NBEA: variants seen among roughly 807,000 people sequenced by gnomAD.
NBEA encodes the protein neurobeachin, also known as lysosomal-trafficking regulator 2.
Under a neutral mutation model 343.4 loss-of-function variants are expected in NBEA, and 44 were observed. The observed-to-expected ratio is 0.13, with a 90% confidence interval of 0.10 to 0.16. NBEA has a LOEUF of 0.16. Ranked by LOEUF, NBEA falls within the 10% of genes least tolerant of loss-of-function variation. The pLI is 1.00. For missense variants in NBEA, 2,555 were observed against 3,631.3 expected (o/e 0.70, Z 7.62); for synonymous variants, 1,175 against 1,238.7 (o/e 0.95, Z 1.08).
chr13:35,058,647 G>T (rs1291062782), intron 7 of NBEA, 70 bp from the exon 8 acceptor site: 1 of 1,186,782 alleles, frequency 8.4e-7, no homozygotes, highest in Non-Finnish European at 1.2e-6. Flanking sequence ...GATAATGAAG[G>T]CCGATTTAAG....
At chr13:35,213,176 G>T (rs2073880545) in intron 33 of NBEA, among the ~76,000 whole-genome samples, 1 of 151,950 alleles carries the variant, frequency 6.6e-6, no homozygotes. Context: ...AATGAGGTAG[G>T]AGTAATAGGT....
intron 1 of NBEA, among the ~76,000 whole-genome samples, chr13:35,022,467 G>A (rs2061877688): frequency 6.6e-6 from 1 of 152,000 alleles, no homozygotes; most frequent in South Asian, 2.1e-4. Flanking sequence ...AAGCAAATAA[G>A]TAATTTTCTA....
At chr13:35,516,773 T>C (rs561224366) in intron 41 of NBEA, among the ~76,000 whole-genome samples, 1 of 152,336 alleles carries the variant, frequency 6.6e-6, no homozygotes, top group Non-Finnish European at 1.5e-5. Flanking sequence ...ATTTCCCAAG[T>C]ACTTAATATG....
At chr13:35,464,242 AGTCTGACATTCAAGTATAT>A (rs1239178853) in intron 40 of NBEA, among the ~76,000 whole-genome samples, 1 of 152,214 alleles carries the variant, frequency 6.6e-6, no homozygotes, top group African/African-American at 2.4e-5. Flanking sequence ...TAACCTACAA[AGTCTGACATTCAAGTATAT>A]GTATGATTTT....
At chr13:35,104,118 C>T (rs1403513355) in intron 11 of NBEA, among the ~76,000 whole-genome samples, 1 of 151,794 alleles carries the variant, frequency 6.6e-6, no homozygotes, top group Non-Finnish European at 1.5e-5. Flanking sequence ...AAATGGTAAA[C>T]ATTTACCCAA....
chr13:35,293,748 A>G (rs1248764821), intron 35 of NBEA, among the ~76,000 whole-genome samples: 4 of 151,994 alleles, frequency 2.6e-5, no homozygotes, highest in Non-Finnish European at 5.9e-5. Flanking sequence ...AATAGTTCCT[A>G]ATTACTTCCA....
chr13:35,646,163 A>T, intron 50 of NBEA, 96 bp from the exon 51 acceptor site: 1 of 972,442 alleles, frequency 1.0e-6, no homozygotes, highest in African/African-American at 1.6e-5. Flanking sequence ...ACTTTTTTTC[A>T]TGGCTGACTT....
intron 41 of NBEA, among the ~76,000 whole-genome samples, chr13:35,487,281 A>C (rs931386953): frequency 6.6e-6 from 1 of 152,002 alleles, no homozygotes; most frequent in Non-Finnish European, 1.5e-5. Flanking sequence ...TGTACTGATT[A>C]GTAGAATTAT....
chr13:35,562,981 A>T (rs1419707726), intron 44 of NBEA, among the ~76,000 whole-genome samples: 1 of 152,024 alleles, frequency 6.6e-6, no homozygotes, highest in Non-Finnish European at 1.5e-5. Flanking sequence ...ATGAAGAAAC[A>T]TATCCAGTGT....
At chr13:35,418,767 A>C (rs2044102548) in intron 38 of NBEA, among the ~76,000 whole-genome samples, 2 of 152,030 alleles carry the variant, frequency 1.3e-5, no homozygotes, top group Admixed American at 1.3e-4. Flanking sequence ...CTTGGTGGTA[A>C]ACAATATTAT....
chr13:35,045,242 T>C, intron 3 of NBEA, 64 bp from the exon 4 acceptor site: 6 of 1,355,926 alleles, frequency 4.4e-6, no homozygotes, highest in Non-Finnish European at 6.1e-6. Context: ...ATGGGTAACA[T>C]GGTATATTAA....
At chr13:35,589,061 ATTG>A (rs1471371739) in intron 46 of NBEA, among the ~76,000 whole-genome samples, 2 of 152,110 alleles carry the variant, frequency 1.3e-5, no homozygotes, top group African/African-American at 4.8e-5. Flanking sequence ...TGAATAAAAT[ATTG>A]TTGTTTATCT....
intron 57 of NBEA, 108 bp from the exon 58 acceptor site, chr13:35,668,260 C>A: frequency 9.2e-7 from 1 of 1,086,262 alleles, no homozygotes; most frequent in Non-Finnish European, 1.3e-6. Flanking sequence ...GTACTGAGTA[C>A]TTTTCAGTAG....
At chr13:35,268,583 A>C (rs2033876284) in intron 34 of NBEA, among the ~76,000 whole-genome samples, 1 of 152,102 alleles carries the variant, frequency 6.6e-6, no homozygotes, top group Non-Finnish European at 1.5e-5. Flanking sequence ...ATTAAAAATA[A>C]CACAAACACG....
intron 55 of NBEA, 49 bp from the exon 56 acceptor site, chr13:35,665,036 T>C: frequency 1.6e-6 from 2 of 1,234,092 alleles, no homozygotes; most frequent in Non-Finnish European, 2.3e-6. Flanking sequence ...TGTAGCTCTC[T>C]CCCCCTGCTA....
At chr13:35,465,856 A>T (rs1333832703) in intron 40 of NBEA, among the ~76,000 whole-genome samples, 1 of 151,864 alleles carries the variant, frequency 6.6e-6, no homozygotes, top group Non-Finnish European at 1.5e-5. Context: ...TCCTTGTAAC[A>T]TAAAGAATTA....
intron 45 of NBEA, among the ~76,000 whole-genome samples, chr13:35,577,201 CTG>C (rs1422455986): frequency 6.6e-6 from 1 of 152,132 alleles, no homozygotes; most frequent in African/African-American, 2.4e-5. Flanking sequence ...GTTGAATTAC[CTG>C]TCCATTTCTG....
Position 34,942,586 on chromosome 13 carries a change from C to G in NBEA, c.-235C>G. 1 of 255,492 alleles carries G rather than the reference C, an allele frequency of 3.9e-6. No individual in the cohort carries two copies. The highest frequency in any genetic ancestry group is 1.4e-4 in the South Asian group (1 of 6,914). 15.8% of individuals were successfully genotyped at this position (255,492 alleles called of 1,614,324 possible). ...GCGGGCACAGCCGCTTGCCCGGCAG[C>G]GGTTAGCGGTACCGCCACCGCCGAG... On this transcript the variant is annotated 5_prime_UTR_variant, in exon 1 of 59. Coordinates refer to ENST00000379939, the MANE Select transcript of NBEA (RefSeq NM_001385012.1).
chr13:35,321,392 G>T lies in NBEA; in HGVS notation c.5903+11800G>T, dbSNP rs77840537. On this transcript the variant is annotated intron_variant, in intron 36 of 58. Transcript: ENST00000379939. ...TGGAGTTTGCTGGAGGTCCACTCCA[G>T]TCCCTGTTTGCCTGGGTATCACCAG... Among the ~76,000 whole-genome samples, 32 of 152,290 alleles carry T rather than the reference G, an allele frequency of 2.1e-4. No homozygotes were observed. The East Asian group carries it at 5.8e-3, about 28-fold the overall frequency.
Sources: allele counts gnomAD v4.1 joint callset (sites outside exome capture counted in the v4.1 genomes callset), GRCh38; gene constraint gnomAD v4.1.1; transcripts MANE v1.5; gene names NCBI Gene and HGNC (gene_info 2026-07-23, HGNC 2026-07-21).